NOX4: variants seen among roughly 807,000 people sequenced by gnomAD.
NOX4 encodes the protein kidney oxidase-1.
In NOX4, 69 loss-of-function variants were observed where a neutral mutation model predicts 87.6. That is an observed-to-expected ratio of 0.79 (90% CI 0.65 to 0.96). The LOEUF (loss-of-function observed/expected upper bound fraction) is 0.96. Among genes scored for constraint, NOX4 ranks in the 40% least tolerant of loss-of-function variants. NOX4 has a pLI of 0.00. For missense variants in NOX4, 680 were observed against 681.5 expected, an observed-to-expected ratio of 1.00 and a Z score of 0.02; for synonymous variants, 275 against 238.2, an observed-to-expected ratio of 1.15 and a Z score of -1.42.
chr11:89,401,448 C>T (rs1392086321), intron 9 of NOX4, among the ~76,000 whole-genome samples: 3 of 152,030 alleles, frequency 2.0e-5, no homozygotes, highest in African/African-American at 7.2e-5. Context: ...TAATAATAAA[C>T]ACGACTAATA....
chr11:89,470,884 A>G (rs1945904622), intron 2 of NOX4, among the ~76,000 whole-genome samples: 1 of 152,142 alleles, frequency 6.6e-6, no homozygotes, highest in Non-Finnish European at 1.5e-5. Flanking sequence ...TACCTATCTC[A>G]GTTGACACTA....
intron 6 of NOX4, among the ~76,000 whole-genome samples, chr11:89,438,888 T>TA (rs1565294096): frequency 6.0e-5 from 3 of 49,812 alleles, no homozygotes; most frequent in Non-Finnish European, 8.9e-5. Context: ...ATATAATATA[T>TA]TATATATTAT....
At chr11:89,430,941 C>T (rs1943747788) in intron 7 of NOX4, among the ~76,000 whole-genome samples, 1 of 152,158 alleles carries the variant, frequency 6.6e-6, no homozygotes, top group Non-Finnish European at 1.5e-5. Flanking sequence ...ATCACGCTAC[C>T]TGACTTCAAA....
chr11:89,507,643 G>A, the NOX4 span, among the ~76,000 whole-genome samples: 3 of 151,716 alleles, frequency 2.0e-5, no homozygotes, highest in African/African-American at 4.8e-5. Flanking sequence ...TATCCAAAAC[G>A]AATGTGGTTA....
the NOX4 span, among the ~76,000 whole-genome samples, chr11:89,510,829 C>T: frequency 6.6e-6 from 1 of 151,954 alleles, no homozygotes; most frequent in African/African-American, 2.4e-5. Flanking sequence ...TATAAAATTA[C>T]ATTCTAGCAT....
intron 8 of NOX4, among the ~76,000 whole-genome samples, chr11:89,407,548 T>C (rs543226426): frequency 5.1e-4 from 77 of 152,210 alleles, no homozygotes; most frequent in Non-Finnish European, 8.5e-4. Context: ...ACATGTGCTA[T>C]CAAACTTTCA....
chr11:89,453,187 C>T (rs999823646), intron 2 of NOX4, among the ~76,000 whole-genome samples: 9 of 152,168 alleles, frequency 5.9e-5, no homozygotes, highest in African/African-American at 1.7e-4. Context: ...CTAACCGAAA[C>T]TTTGTACACT....
At chr11:89,329,043 C>A (rs59830170) in intron 17 of NOX4, among the ~76,000 whole-genome samples, 3,541 of 151,666 alleles carry the variant, frequency 0.023, 159 homozygotes, top group African/African-American at 0.082. Flanking sequence ...GCTATGGTAG[C>A]CCTAGCAAAC....
intron 12 of NOX4, among the ~76,000 whole-genome samples, chr11:89,359,722 A>G (rs1351106129): frequency 6.6e-6 from 1 of 151,972 alleles, no homozygotes; most frequent in Non-Finnish European, 1.5e-5. Context: ...GTTTTCCTTC[A>G]GGTAATCCCC....
rs141560465 is a variant in NOX4, at chr11:89,424,427, T to G, written c.549-2445A>C. On this transcript the variant is annotated intron_variant, in intron 7 of 17. Coordinates refer to ENST00000263317, the MANE Select transcript of NOX4 (RefSeq NM_016931.5). ...TACTTTTTCTGGAAATAATGGTATT[T>G]TATTGTTGCACTTTTTCTAATAATT... 4.9e-4 allele frequency among the ~76,000 whole-genome samples: 74 copies of G among 151,376 alleles called. 2 individuals are homozygous for G. In the East Asian group the frequency reaches 0.013, roughly 26 times the overall value.
At chr11:89,569,328 T>C in the NOX4 span, among the ~76,000 whole-genome samples, 1 of 151,952 alleles carries the variant, frequency 6.6e-6, no homozygotes, top group Non-Finnish European at 1.5e-5. Context: ...AGGTCTAATA[T>C]CCAGAATCTA....
rs186246409 is a variant in NOX4, at chr11:89,456,246, C to T, written c.154-4351G>A. On this transcript the variant is annotated intron_variant, in intron 2 of 17. Transcript: ENST00000263317. ...GTTTAAGAAGGTAAATCTAAGCAAGCTTCAAAAAGAAGTCTTGTGTGAATA... is the reference window on the plus strand; with the variant it reads ...GTTTAAGAAGGTAAATCTAAGCAAGTTTCAAAAAGAAGTCTTGTGTGAATA... 1.6e-4 allele frequency among the ~76,000 whole-genome samples: 24 copies of T among 151,920 alleles called. No individual in the cohort carries two copies. The East Asian group carries it at 4.3e-3, about 27-fold the overall frequency.
chr11:89,351,625 T>C (rs1946459304), intron 13 of NOX4, among the ~76,000 whole-genome samples: 1 of 152,326 alleles, frequency 6.6e-6, no homozygotes, highest in Non-Finnish European at 1.5e-5. Flanking sequence ...TCATTTACCA[T>C]TCTGAAAAAC....
In NOX4 at chr11:89,453,830, T is replaced by C. The variant is rs1408834708; in HGVS notation, c.154-1935A>G. 3.3e-5 allele frequency among the ~76,000 whole-genome samples: 5 copies of C among 152,176 alleles called. No homozygotes were observed. The East Asian group carries it at 9.6e-4, about 29-fold the overall frequency. On this transcript the variant is annotated intron_variant, in intron 2 of 17. Coordinates refer to ENST00000263317, the MANE Select transcript of NOX4 (RefSeq NM_016931.5). ...GCATTTATACTATTAACCCCCACTT[T>C]ATCATGCTGCTAAATTGCCTTTAAA...
chr11:89,371,797 T>C (rs992946043), intron 12 of NOX4, among the ~76,000 whole-genome samples: 1 of 151,936 alleles, frequency 6.6e-6, no homozygotes, highest in Non-Finnish European at 1.5e-5. Flanking sequence ...TTTTGAATGC[T>C]ACCATCTGAA....
chr11:89,422,823 G>A (rs1943157279), intron 7 of NOX4, among the ~76,000 whole-genome samples: 1 of 119,572 alleles, frequency 8.4e-6, no homozygotes, highest in African/African-American at 3.3e-5. Context: ...TTTTTGAGAT[G>A]CAGTCTTGCT....
At chr11:89,473,281 C>A (rs934394433) in intron 2 of NOX4, among the ~76,000 whole-genome samples, 2 of 152,142 alleles carry the variant, frequency 1.3e-5, no homozygotes, top group African/African-American at 4.8e-5. Flanking sequence ...GTGTCTCCTA[C>A]ATCATGGGTT....
chr11:89,584,444 T>A, the NOX4 span, among the ~76,000 whole-genome samples: 1 of 152,206 alleles, frequency 6.6e-6, no homozygotes, highest in Admixed American at 6.6e-5. Flanking sequence ...TTTTTTACTC[T>A]GTCATGTCAA....
intron 2 of NOX4, among the ~76,000 whole-genome samples, chr11:89,470,283 T>C (rs1268139672): frequency 6.6e-6 from 1 of 152,106 alleles, no homozygotes; most frequent in Non-Finnish European, 1.5e-5. Flanking sequence ...TTCCTACAAA[T>C]CTCCAGGCTG....
Sources: allele counts gnomAD v4.1 joint callset (sites outside exome capture counted in the v4.1 genomes callset), GRCh38; gene constraint gnomAD v4.1.1; transcripts MANE v1.5; gene names NCBI Gene and HGNC (gene_info 2026-07-23, HGNC 2026-07-21).